The following ST6GAL1 variants were observed in gnomAD, a reference collection of about 807,000 sequenced individuals.
The protein encoded by ST6GAL1 is beta-galactoside alpha-2,6-sialyltransferase 1.
In ST6GAL1, 20 loss-of-function variants were observed where a neutral mutation model predicts 38.0. The ratio of observed to expected loss-of-function variants is 0.53; its 90% CI spans 0.37 to 0.77. The LOEUF (loss-of-function observed/expected upper bound fraction) is 0.77. ST6GAL1 is among the 30% of genes least tolerant of loss of function. ST6GAL1 has a pLI of 0.00. For synonymous variants in ST6GAL1, 196 were observed against 188.2 expected (o/e 1.04, Z -0.34); for missense variants, 432 against 496.4 (o/e 0.87, Z 1.23).
chr3:187,012,933 A>G (rs1218488463), intron 2 of ST6GAL1, among the ~76,000 whole-genome samples: 1 of 152,172 alleles, frequency 6.6e-6, no homozygotes, highest in East Asian at 1.9e-4. Context: ...GGCCGTGAGC[A>G]CCTGCTCTGT....
intron 2 of ST6GAL1, among the ~76,000 whole-genome samples, chr3:187,031,480 G>C (rs1717748849): frequency 6.6e-6 from 1 of 151,618 alleles, no homozygotes; most frequent in South Asian, 2.1e-4. Flanking sequence ...CTGTTGCCCA[G>C]GCTGCAGTGC....
At chr3:187,074,079 C>A in intron 6 of ST6GAL1, 80 bp from the exon 7 acceptor site, 1 of 1,296,308 alleles carries the variant, frequency 7.7e-7, no homozygotes, top group South Asian at 1.6e-5. Context: ...CTCCCCATGT[C>A]CACTGATGAA....
In ST6GAL1 at chr3:187,046,632, G is replaced by C. The variant is rs1490865921; in HGVS notation, c.607+3322G>C. 2.0e-5 allele frequency among the ~76,000 whole-genome samples: 3 copies of C among 152,320 alleles called. No individual in the cohort carries two copies. The East Asian group carries it at 5.8e-4, about 29-fold the overall frequency. ...AAGGCAAAGGGGGATGGAGTTTGAGGGATGTTGGCTGTTGGTATCAAAGTC... is the reference window on the plus strand; with the variant it reads ...AAGGCAAAGGGGGATGGAGTTTGAGCGATGTTGGCTGTTGGTATCAAAGTC... On this transcript the variant is annotated intron_variant, in intron 4 of 7. Coordinates refer to ENST00000169298, the MANE Select transcript of ST6GAL1 (RefSeq NM_173216.2).
intron 5 of ST6GAL1, among the ~76,000 whole-genome samples, chr3:187,063,148 A>G (rs1006482157): frequency 2.6e-5 from 4 of 152,204 alleles, no homozygotes; most frequent in Admixed American, 2.0e-4. Context: ...GGGAGAAACC[A>G]GTTGATAGAG....
intron 2 of ST6GAL1, among the ~76,000 whole-genome samples, chr3:186,994,952 A>C (rs12152413): frequency 1.1e-4 from 14 of 133,108 alleles, no homozygotes; most frequent in Middle Eastern, 3.4e-3. Context: ...CAAAAACAAA[A>C]AAAAAAGAGA....
chr3:187,057,720 G>A (rs1718756103), intron 5 of ST6GAL1, among the ~76,000 whole-genome samples: 1 of 152,148 alleles, frequency 6.6e-6, no homozygotes, highest in Non-Finnish European at 1.5e-5. Context: ...CCTACTGGGA[G>A]GTGCCTCCCA....
chr3:187,057,321 A>G lies in ST6GAL1; in HGVS notation c.705+5975A>G, dbSNP rs561086104. Among the ~76,000 whole-genome samples the G allele has an allele frequency of 2.6e-5, 4 of 152,334 alleles. No homozygotes were observed. In the South Asian group the frequency reaches 8.3e-4, roughly 32 times the overall value. On this transcript the variant is annotated intron_variant, in intron 5 of 7. Coordinates refer to ENST00000169298, the MANE Select transcript of ST6GAL1 (RefSeq NM_173216.2). ...CTACTTCTGTCAGCTCGTGAAAGTC[A>G]TTCTCCGTCCAGCTTTGTTCTGTTG... is the stretch of plus-strand genomic sequence containing the variant.
At chr3:186,980,206 G>A (rs546531865) in intron 2 of ST6GAL1, among the ~76,000 whole-genome samples, 4 of 152,206 alleles carry the variant, frequency 2.6e-5, no homozygotes, top group Middle Eastern at 3.4e-3. Context: ...CAATTCCCAG[G>A]CCCTGTCTCA....
chr3:186,947,481 C>T (rs1359683237), intron 1 of ST6GAL1, among the ~76,000 whole-genome samples: 1 of 152,038 alleles, frequency 6.6e-6, no homozygotes, highest in African/African-American at 2.4e-5. Flanking sequence ...CTTTATGAAA[C>T]ACAAAATGTA....
intron 1 of ST6GAL1, among the ~76,000 whole-genome samples, chr3:186,934,707 CCT>C (rs1436625479): frequency 6.6e-6 from 1 of 152,124 alleles, no homozygotes; most frequent in Admixed American, 6.5e-5. Flanking sequence ...ACTGGTCAGA[CCT>C]CTTGGCAGGC....
intron 2 of ST6GAL1, among the ~76,000 whole-genome samples, chr3:187,025,013 G>GTC (rs1717480787): frequency 2.0e-5 from 3 of 151,280 alleles, no homozygotes; most frequent in Non-Finnish European, 2.9e-5. Context: ...GTGTGTGTGT[G>GTC]TGTGTGTCTG....
At chr3:186,984,468 TG>T (rs1715797474) in intron 2 of ST6GAL1, among the ~76,000 whole-genome samples, 1 of 152,170 alleles carries the variant, frequency 6.6e-6, no homozygotes, top group South Asian at 2.1e-4. Context: ...CATCGTTGTT[TG>T]TTCCTCCCGG....
chr3:187,021,889 G>A (rs4686837), intron 2 of ST6GAL1: 46,010 of 151,902 alleles, frequency 0.3, 7,326 homozygotes, highest in South Asian at 0.4. Flanking sequence ...GGAGGTTCCT[G>A]TAGGGCGGCA....
intron 1 of ST6GAL1, among the ~76,000 whole-genome samples, chr3:186,931,662 T>C (rs1456769640): frequency 6.6e-6 from 1 of 152,172 alleles, no homozygotes; most frequent in African/African-American, 2.4e-5. Flanking sequence ...GGGGATATTT[T>C]GGTCGCCTCC....
chr3:187,048,004 G>A (rs902221488), intron 4 of ST6GAL1, among the ~76,000 whole-genome samples: 9 of 149,692 alleles, frequency 6.0e-5, no homozygotes, highest in African/African-American at 1.5e-4. Flanking sequence ...GTGCAGTGGC[G>A]TGATCTTGGC....
chr3:186,969,252 C>A (rs1715259469), intron 2 of ST6GAL1, among the ~76,000 whole-genome samples: 1 of 152,004 alleles, frequency 6.6e-6, no homozygotes, highest in African/African-American at 2.4e-5. Context: ...GGGGTTTCAC[C>A]ATGTTAGCCA....
intron 2 of ST6GAL1, among the ~76,000 whole-genome samples, chr3:186,980,218 A>G (rs981446458): frequency 6.6e-6 from 1 of 152,116 alleles, no homozygotes; most frequent in Non-Finnish European, 1.5e-5. Context: ...CCTGTCTCAG[A>G]TTCAGATTCA....
chr3:186,990,066 C>T (rs1716105092), intron 2 of ST6GAL1, among the ~76,000 whole-genome samples: 1 of 152,254 alleles, frequency 6.6e-6, no homozygotes, highest in African/African-American at 2.4e-5. Flanking sequence ...CTGCGTCTTG[C>T]TCTGTCGCCC....
intron 4 of ST6GAL1, among the ~76,000 whole-genome samples, chr3:187,050,552 G>T (rs74482434): frequency 2.4e-4 from 25 of 104,334 alleles, no homozygotes; most frequent in African/African-American, 6.2e-4. Flanking sequence ...GAGAGAGAGA[G>T]AGAGAGAGGG....
Sources: gnomAD v4.1 joint callset for allele counts (sites outside exome capture counted in the v4.1 genomes callset) on GRCh38, gnomAD v4.1.1 for gene constraint, MANE v1.5 for transcripts, NCBI Gene and HGNC (gene_info 2026-07-23, HGNC 2026-07-21) for gene names.